Variants in CUL1 observed in about 807,000 individuals in gnomAD.
The protein encoded by CUL1 is cullin-1.
Under a neutral mutation model 118.0 loss-of-function variants are expected in CUL1, and 24 were observed. The observed-to-expected ratio is 0.20, with a 90% CI of 0.15 to 0.29. CUL1 has a LOEUF of 0.29. Among genes scored for constraint, CUL1 ranks in the 10% least tolerant of loss-of-function variants. CUL1 has a pLI of 1.00. For synonymous variants in CUL1, 332 were observed against 340.4 expected, an observed-to-expected ratio of 0.98 and a Z score of 0.27; for missense variants, 361 against 933.8, an observed-to-expected ratio of 0.39 and a Z score of 7.99.
At chr7:148,730,447 G>T (rs1478650009) in intron 2 of CUL1, among the ~76,000 whole-genome samples, 185 bp downstream of exon 2, 1 of 152,180 alleles carries the variant, frequency 6.6e-6, no homozygotes, top group African/African-American at 2.4e-5. Context: ...GTCAAATGCA[G>T]CACTGGGCAG....
At chr7:148,769,442 CACACACAA>C (rs1446196467) in intron 9 of CUL1, among the ~76,000 whole-genome samples, 39 of 142,034 alleles carry the variant, frequency 2.7e-4, no homozygotes, top group South Asian at 9.1e-4. Flanking sequence ...CACACACACA[CACACACAA>C]AACGCTCACC....
intron 9 of CUL1, among the ~76,000 whole-genome samples, chr7:148,778,827 G>A (rs921491504): frequency 2.6e-5 from 4 of 152,282 alleles, no homozygotes; most frequent in East Asian, 1.9e-4. Flanking sequence ...AGCTTTCCAC[G>A]GACTGTCAGA....
intron 8 of CUL1, among the ~76,000 whole-genome samples, 181 bp downstream of exon 8, chr7:148,766,904 TA>T (rs773792183): frequency 2.6e-5 from 4 of 152,224 alleles, no homozygotes; most frequent in Non-Finnish European, 2.9e-5. Context: ...TGGTTTGACT[TA>T]GGGGGAAGAG....
chr7:148,766,842 G>C, intron 8 of CUL1, 119 bp downstream of exon 8: 1 of 878,750 alleles, frequency 1.1e-6, no homozygotes. Context: ...TTAAAAAGAT[G>C]CATGTGTTTG....
chr7:148,727,527 C>T lies in CUL1; in HGVS notation c.-161-2435C>T, dbSNP rs145009771. On this transcript the variant is annotated intron_variant, in intron 1 of 21. Transcript: ENST00000325222. The stretch of plus-strand genomic sequence containing the variant: ...TCATGAGCCTGTGGGGCTTGCACCC[C>T]GGTGAAGTCAGGGAGTTACAGTAAA... Among the ~76,000 whole-genome samples the T allele has an allele frequency of 5.7e-3, 875 of 152,288 alleles. 40 individuals carry two copies. The highest frequency in any genetic ancestry group is 0.052 in the Admixed American group (793 of 15,300).
At chr7:148,785,080 A>G (rs758696739) in intron 11 of CUL1, among the ~76,000 whole-genome samples, 4 of 152,212 alleles carry the variant, frequency 2.6e-5, no homozygotes, top group Non-Finnish European at 5.9e-5. Flanking sequence ...ATGGGAAAAC[A>G]TTTGATGAAG....
Position 148,800,522 on chromosome 7 carries a change from T to C in CUL1, c.2271T>C (p.Ile757=). Residue 757 remains isoleucine, a synonymous_variant, in exon 22 of 22, where the codon ATT becomes ATC. Transcript: ENST00000325222. This position sits in a 1 kb window ranked among gnomAD's most constrained non-coding sequence, Gnocchi z 4.6. ...CCCAGAAATGCATTGACATTCTAAT[T>C]GAGAAAGAATATTTGGAGCGAGTGG... is the stretch of plus-strand genomic sequence containing the variant. The part of the protein sequence containing the change: ...PVIKKCIDIL[I]EKEYLERVDG... 1 of 1,613,758 alleles carries C rather than the reference T, an allele frequency of 6.2e-7. No homozygotes were observed. The highest frequency in any genetic ancestry group is 8.5e-7 in the Non-Finnish European group (1 of 1,179,714).
At chr7:148,786,946 G>A (rs113405223) in intron 12 of CUL1, 43 bp from the exon 13 acceptor site, 1 of 1,592,588 alleles carries the variant, frequency 6.3e-7, no homozygotes, top group Non-Finnish European at 8.5e-7. Context: ...CTGTTGGCTT[G>A]TGTGTGTGCT....
At chr7:148,738,664 A>G (rs956062918) in intron 2 of CUL1, among the ~76,000 whole-genome samples, 1 of 152,226 alleles carries the variant, frequency 6.6e-6, no homozygotes, top group African/African-American at 2.4e-5. Flanking sequence ...TGGCTGCCTT[A>G]GTATAAAATA....
chr7:148,769,772 A>G (rs544077414), intron 9 of CUL1, among the ~76,000 whole-genome samples: 1 of 152,272 alleles, frequency 6.6e-6, no homozygotes, highest in South Asian at 2.1e-4. Flanking sequence ...GTGTGTACCT[A>G]TAGTCCCAGC....
At chr7:148,705,592 C>T (rs941956437) in intron 1 of CUL1, among the ~76,000 whole-genome samples, 3 of 152,094 alleles carry the variant, frequency 2.0e-5, no homozygotes, top group African/African-American at 4.8e-5. Flanking sequence ...AATAGGCATC[C>T]GAAAGTCAGA....
At chr7:148,763,017 G>T (rs563142478) in intron 7 of CUL1, among the ~76,000 whole-genome samples, 3 of 152,236 alleles carry the variant, frequency 2.0e-5, no homozygotes, top group Admixed American at 2.0e-4. Flanking sequence ...TGTGGTGGCG[G>T]ACGCCTGTTA....
At chr7:148,741,640 C>T (rs1351722728) in intron 2 of CUL1, among the ~76,000 whole-genome samples, 3 of 127,792 alleles carry the variant, frequency 2.3e-5, no homozygotes, top group African/African-American at 3.4e-5. Flanking sequence ...GGTTTCATCA[C>T]GTTGGCCAGG....
intron 1 of CUL1, among the ~76,000 whole-genome samples, chr7:148,727,361 G>C (rs1798619968): frequency 6.6e-6 from 1 of 152,220 alleles, no homozygotes; most frequent in South Asian, 2.1e-4. Context: ...GGGATTTTGA[G>C]CAAGTTCAGA....
intron 1 of CUL1, among the ~76,000 whole-genome samples, chr7:148,704,301 C>T (rs1040622839): frequency 2.6e-5 from 4 of 151,358 alleles, no homozygotes; most frequent in South Asian, 2.1e-4. Flanking sequence ...TTTTAATTGG[C>T]GTAGATTAAA....
rs755424385 is a variant in CUL1 at position 148,754,036 on chromosome 7, T to C, written c.201T>C (p.Val67=). 26 of 1,614,006 alleles carry C rather than the reference T, an allele frequency of 1.6e-5. 1 individual carries two copies. In the South Asian group the frequency reaches 2.4e-4, roughly 15 times the overall value. ...CAAACCAAGCACGAGGAGCTGGAGT[T>C]CCTCCTTCTAAGTCGAAAAAGGGGC... ...HQSNQARGAG[V]PPSKSKKGQT... Residue 67 remains valine, a synonymous_variant, in exon 3 of 22, where the codon GTT becomes GTC. Transcript: ENST00000325222.
chr7:148,779,954 C>G (rs1371283995), intron 9 of CUL1, among the ~76,000 whole-genome samples: 1 of 152,210 alleles, frequency 6.6e-6, no homozygotes, highest in Non-Finnish European at 1.5e-5. Flanking sequence ...GGCCTCCCAG[C>G]CTACATCTTT....
chr7:148,743,667 G>A (rs1004583077), intron 2 of CUL1, among the ~76,000 whole-genome samples: 17 of 148,710 alleles, frequency 1.1e-4, no homozygotes, highest in Non-Finnish European at 1.5e-5. Context: ...ACATTGGGAG[G>A]CCAAGGCGGG....
intron 1 of CUL1, among the ~76,000 whole-genome samples, chr7:148,709,690 G>T (rs1797990281): frequency 6.6e-6 from 1 of 152,184 alleles, no homozygotes. Context: ...TGAAACTTAG[G>T]CTGGGCAGTG....
Sources: gnomAD v4.1 joint callset for allele counts (sites outside exome capture counted in the v4.1 genomes callset) on GRCh38, gnomAD v4.1.1 for gene constraint, Gnocchi (gnomAD v3.1) non-coding constraint, MANE v1.5 for transcripts, NCBI Gene and HGNC (gene_info 2026-07-23, HGNC 2026-07-21) for gene names.